The following JARID2 variants were observed in gnomAD, a reference collection of about 807,000 sequenced individuals.
The protein encoded by JARID2 is protein Jumonji.
Under a neutral mutation model 125.6 loss-of-function variants are expected in JARID2, and 21 were observed. The observed-to-expected ratio is 0.17, with a 90% CI of 0.12 to 0.24. The LOEUF is 0.24. Among genes scored for constraint, JARID2 ranks in the 10% least tolerant of loss-of-function variants. JARID2 has a pLI of 1.00. For missense variants in JARID2, 1,303 were observed against 1,639.6 expected (o/e 0.79, Z 3.55); for synonymous variants, 736 against 661.6 (o/e 1.11, Z -1.73).
intron 1 of JARID2, among the ~76,000 whole-genome samples, chr6:15,260,066 C>T (rs528841040): frequency 6.6e-6 from 1 of 152,314 alleles, no homozygotes; most frequent in Admixed American, 6.5e-5. Flanking sequence ...GACACTCTGA[C>T]AGATCTTTTA....
intron 1 of JARID2, chr6:15,369,434 T>G (rs1764087926): frequency 3.1e-6 from 1 of 319,290 alleles, no homozygotes; most frequent in African/African-American, 2.1e-5. Flanking sequence ...TCACTTCTCC[T>G]CTAAAGGGCG....
chr6:15,435,983 A>G (rs1767184894), intron 3 of JARID2, among the ~76,000 whole-genome samples: 1 of 152,076 alleles, frequency 6.6e-6, no homozygotes, highest in Non-Finnish European at 1.5e-5. Flanking sequence ...GGAGTGGCTC[A>G]CTTCTTCAGT....
intron 2 of JARID2, among the ~76,000 whole-genome samples, chr6:15,375,679 G>A (rs1164255406): frequency 1.3e-5 from 2 of 152,168 alleles, no homozygotes; most frequent in Non-Finnish European, 2.9e-5. Flanking sequence ...GATATAGATC[G>A]TGTTTATTGT....
rs371187784 is a variant in JARID2, at chr6:15,520,261, C to G, written c.*10C>G. On this transcript the variant is annotated 3_prime_UTR_variant, in exon 18 of 18. Transcript: ENST00000341776. Reference sequence around the variant, plus strand: ...TTCGAGCTCATCATGAAGATGCCAACGCCCGTGGTCGATTTATATATATTT... The same window carrying G: ...TTCGAGCTCATCATGAAGATGCCAAGGCCCGTGGTCGATTTATATATATTT... The G allele has an allele frequency of 8.3e-6, 13 of 1,569,292 alleles. No individual in the cohort carries two copies. The highest frequency in any genetic ancestry group is 1.4e-5 in the African/African-American group (1 of 72,510).
chr6:15,504,429 G>C (rs1205208717), intron 8 of JARID2, 71 bp from the exon 9 acceptor site: 2 of 1,129,422 alleles, frequency 1.8e-6, no homozygotes, highest in Non-Finnish European at 2.7e-6. Flanking sequence ...GCCCATGACA[G>C]GTGTCTGGCC....
intron 1 of JARID2, among the ~76,000 whole-genome samples, chr6:15,333,435 T>C (rs1049704640): frequency 2.0e-5 from 3 of 152,184 alleles, no homozygotes; most frequent in African/African-American, 4.8e-5. Context: ...GGCCACTTCA[T>C]ATAAATGGAA....
intron 1 of JARID2, among the ~76,000 whole-genome samples, chr6:15,360,584 A>G (rs1763758574): frequency 6.6e-6 from 1 of 152,196 alleles, no homozygotes; most frequent in Admixed American, 6.5e-5. Context: ...CCTGTGTTCA[A>G]GCGATCTTCT....
chr6:15,339,387 C>T (rs1234564761), intron 1 of JARID2, among the ~76,000 whole-genome samples: 1 of 152,102 alleles, frequency 6.6e-6, no homozygotes, highest in African/African-American at 2.4e-5. Context: ...AAAACTGGCC[C>T]TGGGACCAGA....
In JARID2 at chr6:15,410,218, C is replaced by T. The variant is rs745377165; in HGVS notation, c.182-6C>T. ...TTAAGTGTTTGTCCCCTTTTCTCAC[C>T]TGTAGGGCTCCTTGGTAATGACCAG... On this transcript the variant is annotated splice_polypyrimidine_tract_variant and splice_region_variant and intron_variant, in intron 2 of 17. Transcript: ENST00000341776. The T allele has an allele frequency of 1.1e-5, 18 of 1,612,902 alleles. No homozygotes were observed. Among genetic ancestry groups the T allele is most frequent in the South Asian group, 3.3e-5 (3 of 90,934 alleles).
chr6:15,340,970 A>G (rs1763051404), intron 1 of JARID2, among the ~76,000 whole-genome samples: 1 of 152,198 alleles, frequency 6.6e-6, no homozygotes. Flanking sequence ...CGAAGCAGGA[A>G]GCGGTGCTAA....
chr6:15,247,357 T>A (rs1234959875), intron 1 of JARID2: 1 of 864,472 alleles, frequency 1.2e-6, no homozygotes, highest in African/African-American at 1.8e-5. Flanking sequence ...TAGTTAAATT[T>A]GTTTTGTGCA....
chr6:15,458,932 C>T (rs1202459228), intron 4 of JARID2, among the ~76,000 whole-genome samples: 8 of 152,122 alleles, frequency 5.3e-5, no homozygotes, highest in East Asian at 1.9e-4. Context: ...TATCCCTTGG[C>T]GTTCTTCAAG....
chr6:15,265,374 A>C (rs1259567256), intron 1 of JARID2, among the ~76,000 whole-genome samples: 4 of 152,116 alleles, frequency 2.6e-5, no homozygotes, highest in East Asian at 3.9e-4. Flanking sequence ...ATTAAAAAAA[A>C]AAAAACAAAA....
intron 3 of JARID2, among the ~76,000 whole-genome samples, chr6:15,442,110 GAA>G (rs200659485): frequency 1.4e-5 from 2 of 139,538 alleles, no homozygotes; most frequent in African/African-American, 2.6e-5. Context: ...CTTGCATTTT[GAA>G]AAAAAAAAAA....
intron 4 of JARID2, among the ~76,000 whole-genome samples, chr6:15,464,281 G>C (rs188660245): frequency 2.0e-5 from 3 of 152,306 alleles, no homozygotes; most frequent in Admixed American, 6.5e-5. Flanking sequence ...AGAATTCTTA[G>C]AGGGATTTAC....
intron 1 of JARID2, among the ~76,000 whole-genome samples, chr6:15,308,542 T>C (rs1004067945): frequency 2.0e-5 from 3 of 152,230 alleles, no homozygotes; most frequent in Non-Finnish European, 4.4e-5. Flanking sequence ...GAGAGTCCTG[T>C]TTTCTCCCCT....
intron 1 of JARID2, among the ~76,000 whole-genome samples, chr6:15,369,022 G>A (rs941607175): frequency 6.6e-6 from 1 of 152,146 alleles, no homozygotes; most frequent in Admixed American, 6.5e-5. Context: ...CAACACTATG[G>A]AAGGATATGT....
intron 2 of JARID2, among the ~76,000 whole-genome samples, chr6:15,397,847 A>G (rs1433803948): frequency 6.6e-6 from 1 of 152,206 alleles, no homozygotes; most frequent in Non-Finnish European, 1.5e-5. Context: ...ACTTGCAGAG[A>G]GGAATTGCAA....
At chr6:15,461,774 T>C (rs1000914624) in intron 4 of JARID2, among the ~76,000 whole-genome samples, 1 of 152,250 alleles carries the variant, frequency 6.6e-6, no homozygotes, top group African/African-American at 2.4e-5. Context: ...CATTATGCTC[T>C]GTATACAGTT....
Sources: gnomAD v4.1 joint callset for allele counts (sites outside exome capture counted in the v4.1 genomes callset) on GRCh38, gnomAD v4.1.1 for gene constraint, MANE v1.5 for transcripts, NCBI Gene and HGNC (gene_info 2026-07-23, HGNC 2026-07-21) for gene names.